GALNT14: variants seen among roughly 807,000 people sequenced by gnomAD.
GALNT14 encodes UDP-GalNAc:polypeptide N-acetylgalactosaminyltransferase 14.
Under a neutral mutation model 77.5 loss-of-function variants are expected in GALNT14, and 60 were observed. The observed-to-expected ratio is 0.77, with a 90% CI of 0.63 to 0.96. GALNT14 has a LOEUF of 0.96. Among genes scored for constraint, GALNT14 ranks in the 40% least tolerant of loss-of-function variants. The probability of loss-of-function intolerance (pLI) is 0.00; values close to 1 mark genes in which losing one functional copy is unlikely to be tolerated. For missense variants in GALNT14, 710 were observed against 731.0 expected, an observed-to-expected ratio of 0.97 and a Z score of 0.33; for synonymous variants, 280 against 281.7, an observed-to-expected ratio of 0.99 and a Z score of 0.06.
intron 10 of GALNT14, among the ~76,000 whole-genome samples, chr2:30,930,878 G>A (rs914322729): frequency 1.1e-4 from 16 of 152,214 alleles, no homozygotes; most frequent in African/African-American, 1.7e-4. Flanking sequence ...TTCTAGAAAC[G>A]GAATGACCTA....
chr2:30,908,481 C>A (rs1221731803), downstream of GALNT14, among the ~76,000 whole-genome samples: 2 of 142,366 alleles, frequency 1.4e-5, no homozygotes, highest in African/African-American at 2.7e-5. Context: ...GAATAAAATA[C>A]CTAGGAATCC....
At chr2:30,980,165 C>T (rs79310204) in intron 2 of GALNT14, among the ~76,000 whole-genome samples, 2,110 of 152,326 alleles carry the variant, frequency 0.014, 36 homozygotes, top group African/African-American at 0.047. Flanking sequence ...CACTGTGACT[C>T]ACATGAGCCG....
intron 1 of GALNT14, among the ~76,000 whole-genome samples, chr2:31,035,257 C>T (rs1297820797): frequency 6.6e-6 from 1 of 151,966 alleles, no homozygotes; most frequent in East Asian, 1.9e-4. Context: ...TCAATTTTTG[C>T]TTCAGTATTT....
intron 1 of GALNT14, among the ~76,000 whole-genome samples, chr2:31,029,774 A>G (rs903284744): frequency 1.3e-5 from 2 of 152,184 alleles, no homozygotes; most frequent in African/African-American, 4.8e-5. Context: ...CACCACCTTT[A>G]AACTGTTTAG....
In GALNT14 at chr2:31,137,767, C is replaced by T. The variant is rs190084763; in HGVS notation, c.129+191G>A. On this transcript the variant is annotated intron_variant, in intron 1 of 14. Coordinates refer to ENST00000349752, the MANE Select transcript of GALNT14 (RefSeq NM_024572.4). ...CACCCACTGCCACTCATGCACACCG[C>T]GGGTCCGGAGATGCCCCCGAGCGTT... Among the ~76,000 whole-genome samples the T allele has an allele frequency of 2.6e-4, 39 of 152,284 alleles. No homozygotes were observed. In the East Asian group the frequency reaches 6.6e-3, roughly 26 times the overall value.
At chr2:31,005,082 C>T (rs1235714375) in intron 1 of GALNT14, among the ~76,000 whole-genome samples, 1 of 152,126 alleles carries the variant, frequency 6.6e-6, no homozygotes, top group Non-Finnish European at 1.5e-5. Context: ...AAATTGTGAC[C>T]CCTAGGACAC....
At chr2:31,038,835 T>C (rs974305783) in intron 1 of GALNT14, among the ~76,000 whole-genome samples, 8 of 151,652 alleles carry the variant, frequency 5.3e-5, no homozygotes, top group Non-Finnish European at 8.8e-5. Context: ...AACCTCTGCC[T>C]ACTGGGTTCA....
At chr2:31,088,532 A>C (rs13392394) in intron 1 of GALNT14, among the ~76,000 whole-genome samples, 1 of 152,116 alleles carries the variant, frequency 6.6e-6, no homozygotes, top group African/African-American at 2.4e-5. Context: ...GATGTGTGGC[A>C]CAGGCTTGGG....
At chr2:30,943,129 C>T (rs909232195) in intron 8 of GALNT14, among the ~76,000 whole-genome samples, 4 of 152,280 alleles carry the variant, frequency 2.6e-5, no homozygotes, top group African/African-American at 4.8e-5. Flanking sequence ...TCCAGAACTG[C>T]GGGACGATAC....
intron 1 of GALNT14, among the ~76,000 whole-genome samples, chr2:31,034,459 C>T (rs1345386503): frequency 1.3e-5 from 2 of 152,202 alleles, no homozygotes; most frequent in African/African-American, 2.4e-5. Context: ...CTTCACAAAA[C>T]AGCCTCACTC....
At chr2:31,114,907 A>T in intron 1 of GALNT14, 2 of 698,310 alleles carry the variant, frequency 2.9e-6, no homozygotes, top group Admixed American at 2.2e-5. Context: ...AAGTATTATG[A>T]CTTCAGTCAT....
Position 30,968,813 on chromosome 2 carries a change from T to C in GALNT14, c.300-2511A>G, listed in dbSNP as rs952364226. 8.5e-5 allele frequency among the ~76,000 whole-genome samples: 13 copies of C among 152,088 alleles called. No homozygotes were observed. In the East Asian group the frequency reaches 1.9e-3, roughly 23 times the overall value. ...GATTTGTTGTACATTAGATAAGCAG[T>C]AGAAAAAGGGAAGGAGAATGCCTTG... On this transcript the variant is annotated intron_variant, in intron 2 of 14. Transcript: ENST00000349752.
At chr2:31,046,705 A>G (rs1673490274) in intron 1 of GALNT14, among the ~76,000 whole-genome samples, 2 of 152,180 alleles carry the variant, frequency 1.3e-5, no homozygotes, top group African/African-American at 2.4e-5. Context: ...AATGGCCTAC[A>G]GACCAAATTT....
chr2:31,004,850 G>A (rs879606760), intron 1 of GALNT14, among the ~76,000 whole-genome samples: 1 of 152,210 alleles, frequency 6.6e-6, no homozygotes, highest in Non-Finnish European at 1.5e-5. Context: ...AAGCTCTCTA[G>A]CCATAAGAAA....
At chr2:31,044,167 T>C (rs761643390) in intron 1 of GALNT14, among the ~76,000 whole-genome samples, 1 of 152,254 alleles carries the variant, frequency 6.6e-6, no homozygotes, top group East Asian at 1.9e-4. Context: ...CAGGTTGTTA[T>C]AGAAAGACAG....
chr2:31,022,108 G>A (rs1052286628), intron 1 of GALNT14, among the ~76,000 whole-genome samples: 1 of 152,178 alleles, frequency 6.6e-6, no homozygotes, highest in Non-Finnish European at 1.5e-5. Flanking sequence ...TATTCTTTGT[G>A]GGCTAGAACA....
intron 2 of GALNT14, among the ~76,000 whole-genome samples, chr2:30,975,464 G>A (rs934703289): frequency 6.6e-6 from 1 of 152,156 alleles, no homozygotes; most frequent in African/African-American, 2.4e-5. Context: ...AAGATGTCAA[G>A]CACTTAGTAT....
chr2:31,074,756 C>T (rs1171135432), intron 1 of GALNT14, among the ~76,000 whole-genome samples: 3 of 152,168 alleles, frequency 2.0e-5, no homozygotes, highest in Non-Finnish European at 2.9e-5. Context: ...CATATTATCA[C>T]TTCTACAATA....
chr2:31,009,637 C>A (rs1191927074), intron 1 of GALNT14, among the ~76,000 whole-genome samples: 1 of 152,184 alleles, frequency 6.6e-6, no homozygotes, highest in Admixed American at 6.5e-5. Flanking sequence ...TCACAAGCAT[C>A]TCACCTTGCA....
Sources: allele counts gnomAD v4.1 joint callset (sites outside exome capture counted in the v4.1 genomes callset), GRCh38; gene constraint gnomAD v4.1.1; transcripts MANE v1.5; gene names NCBI Gene and HGNC (gene_info 2026-07-23, HGNC 2026-07-21).